IGF1R: variants seen among roughly 807,000 people sequenced by gnomAD.
IGF1R encodes the protein insulin like growth factor 1 receptor.
IGF1R carries 44 observed loss-of-function variants against 144.6 expected under a neutral mutation model. The observed-to-expected ratio is 0.30, with a 90% CI of 0.24 to 0.39. IGF1R has a LOEUF of 0.39. Among genes scored for constraint, IGF1R ranks in the 10% least tolerant of loss-of-function variants. The pLI, the probability that IGF1R is intolerant of heterozygous loss-of-function variation, is 1.00. For synonymous variants in IGF1R, 795 were observed against 722.8 expected, an observed-to-expected ratio of 1.10 and a Z score of -1.60; for missense variants, 1,355 against 1,833.7, an observed-to-expected ratio of 0.74 and a Z score of 4.77.
chr15:98,666,739 G>T (rs1181600597), intron 1 of IGF1R, among the ~76,000 whole-genome samples: 1 of 152,148 alleles, frequency 6.6e-6, no homozygotes, highest in Non-Finnish European at 1.5e-5. Flanking sequence ...ATAGAGGCTG[G>T]GGGGAGGGAG....
rs547490763 is a variant in IGF1R at position 98,961,846 on chromosome 15, G to C, written c.*4404G>C. On this transcript the variant is annotated 3_prime_UTR_variant, in exon 21 of 21. Coordinates refer to ENST00000650285, the MANE Select transcript of IGF1R (RefSeq NM_000875.5). The stretch of plus-strand genomic sequence containing the variant: ...AAGATGGAAGACCGTGTTCGTGGCC[G>C]ACCTGGCCTCTCCTGGCCTGTTTCT... The C allele has an allele frequency of 4.3e-6, 1 of 233,186 alleles. No homozygotes were observed. Among genetic ancestry groups the C allele is most frequent in the Non-Finnish European group, 8.5e-6 (1 of 118,058 alleles). The allele number at this position is 233,186 out of a possible 1,614,324, so 14.4% of individuals were successfully genotyped here. A position where few individuals can be genotyped will look rare whatever the true frequency, so the allele number is the denominator to read the frequency against.
Position 98,961,019 on chromosome 15 carries a change from A to G in IGF1R, c.*3577A>G, listed in dbSNP as rs1596500047. On this transcript the variant is annotated 3_prime_UTR_variant, in exon 21 of 21. Transcript: ENST00000650285. The stretch of plus-strand genomic sequence containing the variant: ...ACAGGCACTGATGATTTCGCTGGGA[A>G]GTGTGGCGGGCAGCTTTGCCTAAGC... 8.6e-6 allele frequency: 2 copies of G among 233,650 alleles called. No individual in the cohort carries two copies. Among genetic ancestry groups the G allele is most frequent in the East Asian group, 1.2e-4 (2 of 16,560 alleles). The allele number at this position is 233,650 out of a possible 1,614,324, so 14.5% of individuals were successfully genotyped here.
chr15:98,742,227 A>G (rs762849590), intron 2 of IGF1R, among the ~76,000 whole-genome samples: 1 of 152,232 alleles, frequency 6.6e-6, no homozygotes, highest in Non-Finnish European at 1.5e-5. Flanking sequence ...CCTGTTAAAT[A>G]TCTGTTCAAG....
rs533545022 is a variant in IGF1R at position 98,930,476 on chromosome 15, T to C, written c.2956+171T>C. The stretch of plus-strand genomic sequence containing the variant: ...TCTTTCTTTTTTTTTTTAATCAAAG[T>C]TTTTAGCAGTTCAGTGAATATGTCA... On this transcript the variant is annotated intron_variant, in intron 15 of 20. Transcript: ENST00000650285. 4.6e-5 allele frequency among the ~76,000 whole-genome samples: 7 copies of C among 152,206 alleles called. No homozygotes were observed. The East Asian group carries it at 1.4e-3, about 29-fold the overall frequency.
intron 2 of IGF1R, among the ~76,000 whole-genome samples, chr15:98,859,866 G>C (rs180825594): frequency 6.6e-6 from 1 of 152,164 alleles, no homozygotes; most frequent in African/African-American, 2.4e-5. Flanking sequence ...TTTTTGTGCA[G>C]CCAAAGCAGC....
At chr15:98,755,488 C>G (rs2055125879) in intron 2 of IGF1R, among the ~76,000 whole-genome samples, 1 of 151,716 alleles carries the variant, frequency 6.6e-6, no homozygotes, top group Non-Finnish European at 1.5e-5. Flanking sequence ...TGCCTGTAAT[C>G]CCGGCAATTT....
chr15:98,877,231 A>G (rs927933688), intron 2 of IGF1R, among the ~76,000 whole-genome samples: 4 of 152,216 alleles, frequency 2.6e-5, no homozygotes, highest in African/African-American at 9.7e-5. Context: ...ATCTAAAACA[A>G]AAGTGTTAAA....
chr15:98,736,676 A>G (rs183547837), intron 2 of IGF1R, among the ~76,000 whole-genome samples: 1 of 145,268 alleles, frequency 6.9e-6, no homozygotes, highest in African/African-American at 2.5e-5. Context: ...GAGTGGCATG[A>G]TCTCGGCTTA....
intron 5 of IGF1R, among the ~76,000 whole-genome samples, chr15:98,902,178 A>G (rs1054243353): frequency 1.2e-4 from 18 of 152,124 alleles, no homozygotes; most frequent in African/African-American, 4.1e-4. Flanking sequence ...CCCCACCCCA[A>G]TTCAATAGGA....
chr15:98,660,056 G>A (rs1219563627), intron 1 of IGF1R, among the ~76,000 whole-genome samples: 1 of 152,178 alleles, frequency 6.6e-6, no homozygotes, highest in East Asian at 1.9e-4. Context: ...TATATAGCTG[G>A]TTATTCAGTT....
chr15:98,650,361 C>T (rs2052327378), intron 1 of IGF1R, among the ~76,000 whole-genome samples: 1 of 152,210 alleles, frequency 6.6e-6, no homozygotes, highest in Non-Finnish European at 1.5e-5. Context: ...CCCCGGCGTC[C>T]CGGGGCTGGG....
chr15:98,958,151 T>C lies in IGF1R; in HGVS notation c.*709T>C, dbSNP rs868391585. On this transcript the variant is annotated 3_prime_UTR_variant, in exon 21 of 21. Transcript: ENST00000650285. ...ACACGCTGGCGACACACTCCGTCCA[T>C]CCGACTGCCCCTGCTGTGCTGCTCA... The C allele has an allele frequency of 4.3e-5, 10 of 233,370 alleles. No individual in the cohort carries two copies. The highest frequency in any genetic ancestry group is 1.8e-4 in the South Asian group (1 of 5,540). The allele number at this position is 233,370 out of a possible 1,614,324, so 14.5% of individuals were successfully genotyped here. A position where few individuals can be genotyped will look rare whatever the true frequency, so the allele number is the denominator to read the frequency against.
intron 2 of IGF1R, among the ~76,000 whole-genome samples, chr15:98,885,746 T>C (rs2141642199): frequency 6.6e-6 from 1 of 152,330 alleles, no homozygotes; most frequent in Middle Eastern, 3.4e-3. Flanking sequence ...ATTGTTTGCA[T>C]TATGAAATAT....
At chr15:98,875,123 T>C (rs1421783266) in intron 2 of IGF1R, among the ~76,000 whole-genome samples, 1 of 152,138 alleles carries the variant, frequency 6.6e-6, no homozygotes, top group African/African-American at 2.4e-5. Flanking sequence ...GGTCCTCGGC[T>C]CCGGGACGAG....
chr15:98,813,085 G>C (rs2056626119), intron 2 of IGF1R, among the ~76,000 whole-genome samples: 1 of 152,118 alleles, frequency 6.6e-6, no homozygotes, highest in African/African-American at 2.4e-5. Context: ...TGGCAGTTTT[G>C]ATCTAACTGA....
intron 2 of IGF1R, among the ~76,000 whole-genome samples, chr15:98,861,569 T>C (rs1027752268): frequency 6.6e-6 from 1 of 152,194 alleles, no homozygotes; most frequent in Non-Finnish European, 1.5e-5. Flanking sequence ...AAAACTTGTT[T>C]TCATTTGGGA....
At position 98,828,505 on chromosome 15, in the gene IGF1R, A is replaced by G. The variant is rs139693625; in HGVS notation, c.641-62820A>G. ...TTTGGATTCAAACAGAGGAAGATAG[A>G]GTAGTGGCCTTGGGAAACCGTGGAG... On this transcript the variant is annotated intron_variant, in intron 2 of 20. Transcript: ENST00000650285. 7.9e-3 allele frequency among the ~76,000 whole-genome samples: 1,202 copies of G among 152,288 alleles called. 19 individuals carry two copies. Among genetic ancestry groups the G allele is most frequent in the African/African-American group, 0.028 (1,153 of 41,558 alleles).
chr15:98,938,718 G>A (rs1271810378), intron 17 of IGF1R, among the ~76,000 whole-genome samples: 6 of 152,138 alleles, frequency 3.9e-5, no homozygotes, highest in African/African-American at 1.2e-4. Context: ...AATTTATAAC[G>A]ATGCTCTTAT....
At chr15:98,790,721 C>T (rs2056109581) in intron 2 of IGF1R, among the ~76,000 whole-genome samples, 1 of 152,156 alleles carries the variant, frequency 6.6e-6, no homozygotes, top group South Asian at 2.1e-4. Flanking sequence ...AAATTAACGG[C>T]ATTAGAACTG....
Sources: gnomAD v4.1 joint callset for allele counts (sites outside exome capture counted in the v4.1 genomes callset) on GRCh38, gnomAD v4.1.1 for gene constraint, MANE v1.5 for transcripts, NCBI Gene and HGNC (gene_info 2026-07-23, HGNC 2026-07-21) for gene names.